Variants in AGFG1 observed in about 807,000 individuals in gnomAD.
The protein encoded by AGFG1 is ArfGAP with FG repeats 1.
AGFG1 carries 10 observed loss-of-function variants against 60.6 expected under a neutral mutation model. The ratio of observed to expected loss-of-function variants is 0.16; its 90% CI spans 0.10 to 0.28. The LOEUF (loss-of-function observed/expected upper bound fraction) is 0.28, where lower values mean the gene tolerates loss of function less well. AGFG1 is among the 10% of genes least tolerant of loss of function. The probability of loss-of-function intolerance (pLI) is 1.00; values close to 1 mark genes in which losing one functional copy is unlikely to be tolerated. For missense variants in AGFG1, 537 were observed against 676.5 expected, an observed-to-expected ratio of 0.79 and a Z score of 2.29; for synonymous variants, 247 against 242.9, an observed-to-expected ratio of 1.02 and a Z score of -0.16.
intron 1 of AGFG1, among the ~76,000 whole-genome samples, chr2:227,473,126 C>T (rs542148638): frequency 2.0e-5 from 3 of 152,114 alleles, no homozygotes; most frequent in African/African-American, 7.2e-5. Flanking sequence ...GCCTGCCTCG[C>T]CCGTGCCTTT....
chr2:227,472,660 C>T, intron 1 of AGFG1, 72 bp downstream of exon 1: 1 of 1,487,168 alleles, frequency 6.7e-7, no homozygotes, highest in African/African-American at 1.5e-5. Context: ...GGGACCGGGA[C>T]CCTTCCGGGG....
intron 1 of AGFG1, among the ~76,000 whole-genome samples, chr2:227,477,991 A>G (rs1690335176): frequency 6.6e-6 from 1 of 152,064 alleles, no homozygotes. Flanking sequence ...GGAACTTCTT[A>G]GCTCCAAAAT....
Position 227,559,402 on chromosome 2 carries a change from T to C in AGFG1, c.*4907T>C, listed in dbSNP as rs902656929. 1 of 152,220 alleles carries C rather than the reference T, an allele frequency of 6.6e-6. No homozygotes were observed. Among genetic ancestry groups the C allele is most frequent in the Non-Finnish European group, 1.5e-5 (1 of 68,036 alleles). The allele number at this position is 152,220 out of a possible 1,614,324, so 9.4% of individuals were successfully genotyped here. ...TGAAGTCAGTTGTGTAAGTTTGGGCTGACAGTGGTATTTTCCAGTGAAGAC... is the reference window on the plus strand; with the variant it reads ...TGAAGTCAGTTGTGTAAGTTTGGGCCGACAGTGGTATTTTCCAGTGAAGAC... On this transcript the variant is annotated 3_prime_UTR_variant, in exon 13 of 13. Coordinates refer to ENST00000310078, the MANE Select transcript of AGFG1 (RefSeq NM_004504.5).
chr2:227,475,348 G>A (rs1314944688), intron 1 of AGFG1, among the ~76,000 whole-genome samples: 1 of 152,102 alleles, frequency 6.6e-6, no homozygotes, highest in Non-Finnish European at 1.5e-5. Flanking sequence ...GCCACAACTG[G>A]ACACATGTTC....
At position 227,556,680 on chromosome 2, in the gene AGFG1, A is replaced by G. The variant is rs931281036; in HGVS notation, c.*2185A>G. ...TGTTATCAAAATGATTTTAAAGACT[A>G]TTTCTTTTTCTGGGTAACTATTGAA... is the stretch of plus-strand genomic sequence containing the variant. On this transcript the variant is annotated 3_prime_UTR_variant, in exon 13 of 13. Coordinates refer to ENST00000310078, the MANE Select transcript of AGFG1 (RefSeq NM_004504.5). 3.9e-5 allele frequency: 6 copies of G among 152,636 alleles called. No individual in the cohort carries two copies. The highest frequency in any genetic ancestry group is 1.9e-4 in the East Asian group (1 of 5,208). The allele number at this position is 152,636 out of a possible 1,614,324, so 9.5% of individuals were successfully genotyped here.
At chr2:227,519,328 T>A (rs940746731) in intron 2 of AGFG1, among the ~76,000 whole-genome samples, 1 of 152,202 alleles carries the variant, frequency 6.6e-6, no homozygotes, top group Non-Finnish European at 1.5e-5. Flanking sequence ...TGAAGAATAG[T>A]TTTTTATTTT....
chr2:227,484,123 G>A (rs528055583), intron 1 of AGFG1, among the ~76,000 whole-genome samples: 2 of 151,832 alleles, frequency 1.3e-5, no homozygotes, highest in South Asian at 4.2e-4. Flanking sequence ...ACATTCCAGA[G>A]TTAATCAGTA....
At chr2:227,475,801 C>T (rs1336102091) in intron 1 of AGFG1, among the ~76,000 whole-genome samples, 1 of 152,140 alleles carries the variant, frequency 6.6e-6, no homozygotes. Context: ...CACATCGTTA[C>T]TGTATTTACT....
intron 1 of AGFG1, among the ~76,000 whole-genome samples, chr2:227,484,958 C>T (rs1690581945): frequency 6.6e-6 from 1 of 151,996 alleles, no homozygotes; most frequent in Non-Finnish European, 1.5e-5. Flanking sequence ...GATCTGCCCA[C>T]CTTGGCCTCC....
chr2:227,483,454 G>C (rs1464126850), intron 1 of AGFG1, among the ~76,000 whole-genome samples: 1 of 152,184 alleles, frequency 6.6e-6, no homozygotes, highest in Admixed American at 6.5e-5. Context: ...ATTAGAACAT[G>C]CAAGTTTTCC....
chr2:227,505,886 C>T lies in AGFG1; in HGVS notation c.262-14062C>T, dbSNP rs572429768. Among the ~76,000 whole-genome samples the T allele has an allele frequency of 5.3e-5, 8 of 152,068 alleles. 1 individual carries two copies. In the East Asian group the frequency reaches 5.8e-4, roughly 11 times the overall value. ...CCGAGTAGCTGGGATTACAGGCACCCGCCACCATGCCTGGCTAATTTTTGT... is the reference window on the plus strand; with the variant it reads ...CCGAGTAGCTGGGATTACAGGCACCTGCCACCATGCCTGGCTAATTTTTGT... On this transcript the variant is annotated intron_variant, in intron 2 of 12. Coordinates refer to ENST00000310078, the MANE Select transcript of AGFG1 (RefSeq NM_004504.5).
intron 2 of AGFG1, among the ~76,000 whole-genome samples, chr2:227,492,057 C>T (rs1690835521): frequency 6.6e-6 from 1 of 151,748 alleles, no homozygotes; most frequent in Non-Finnish European, 1.5e-5. Flanking sequence ...TAACTTTGGA[C>T]GTGTAGGTGA....
intron 10 of AGFG1, among the ~76,000 whole-genome samples, chr2:227,550,536 G>A (rs1025947296): frequency 7.5e-5 from 10 of 133,454 alleles, no homozygotes; most frequent in Non-Finnish European, 1.8e-4. Context: ...GTGCATTGTC[G>A]TCTGTTATGA....
Position 227,491,637 on chromosome 2 carries a change from T to C in AGFG1, c.258T>C (p.Asn86=). ...TTGAATTCTTACAAAAACATGGAAA[T>C]GAAGTAAGTGGTTTTTTTTTTTTTT... ...QEIEFLQKHG[N]EVCKQIWLGL... is the part of the protein sequence containing the mutation. The change falls in exon 2 of 13, where the codon AAT becomes AAC. Residue 86 remains asparagine, a synonymous_variant. Transcript: ENST00000310078. The C allele has an allele frequency of 6.6e-7, 1 of 1,508,030 alleles. No homozygotes were observed. Among genetic ancestry groups the C allele is most frequent in the South Asian group, 1.3e-5 (1 of 74,430 alleles). 93.4% of individuals were successfully genotyped at this position (1,508,030 alleles called of 1,614,324 possible).
At chr2:227,518,173 G>C (rs1201924846) in intron 2 of AGFG1, among the ~76,000 whole-genome samples, 1 of 152,048 alleles carries the variant, frequency 6.6e-6, no homozygotes, top group Non-Finnish European at 1.5e-5. Context: ...TTCTTCTTTG[G>C]ATATTCTCCC....
At position 227,505,368 on chromosome 2, in the gene AGFG1, A is replaced by G. The variant is rs138053807; in HGVS notation, c.261+13728A>G. On this transcript the variant is annotated intron_variant, in intron 2 of 12. Transcript: ENST00000310078. ...AATCTGTACATTTTTCATTTACCAAATTGGGAAAATTTTATCATTTTCCTT... is the reference window on the plus strand; with the variant it reads ...AATCTGTACATTTTTCATTTACCAAGTTGGGAAAATTTTATCATTTTCCTT... Among the ~76,000 whole-genome samples, 255 of 152,310 alleles carry G rather than the reference A, an allele frequency of 1.7e-3. 2 individuals carry two copies. The highest frequency in any genetic ancestry group is 4.2e-3 in the East Asian group (22 of 5,188).
At chr2:227,489,223 GTTTTTTTT>G (rs55762248) in intron 1 of AGFG1, among the ~76,000 whole-genome samples, 5 of 74,812 alleles carry the variant, frequency 6.7e-5, no homozygotes, top group South Asian at 1.3e-3. Flanking sequence ...AGTTTTGAGA[GTTTTTTTT>G]TTTTTTTTTT....
At chr2:227,534,042 A>G (rs540561459) in intron 7 of AGFG1, among the ~76,000 whole-genome samples, 10 of 152,288 alleles carry the variant, frequency 6.6e-5, no homozygotes, top group African/African-American at 2.4e-4. Context: ...TTGGCTATAA[A>G]GAGCCAAGAA....
intron 8 of AGFG1, among the ~76,000 whole-genome samples, chr2:227,535,436 T>A (rs1692280603): frequency 6.6e-6 from 1 of 152,218 alleles, no homozygotes; most frequent in South Asian, 2.1e-4. Context: ...TTTAGAAGTG[T>A]TTGCACCAAA....
Sources: allele counts gnomAD v4.1 joint callset (sites outside exome capture counted in the v4.1 genomes callset), GRCh38; gene constraint gnomAD v4.1.1; transcripts MANE v1.5; gene names NCBI Gene and HGNC (gene_info 2026-07-23, HGNC 2026-07-21).